The following ZNF609 variants were observed in gnomAD, a reference collection of about 807,000 sequenced individuals.
ZNF609 encodes the protein zinc finger protein 609.
Under a neutral mutation model 109.5 loss-of-function variants are expected in ZNF609, and 11 were observed. The observed-to-expected ratio is 0.10, with a 90% CI of 0.06 to 0.17. The LOEUF is 0.17. ZNF609 is among the 10% of genes least tolerant of loss of function. ZNF609 has a pLI of 1.00. For missense variants in ZNF609, 1,559 were observed against 1,772.4 expected, an observed-to-expected ratio of 0.88 and a Z score of 2.16; for synonymous variants, 646 against 662.0, an observed-to-expected ratio of 0.98 and a Z score of 0.37.
rs145414621 is a variant in ZNF609, at chr15:64,646,368, T to C, written c.973+23316T>C. On this transcript the variant is annotated intron_variant, in intron 3 of 9. Coordinates refer to ENST00000326648, the MANE Select transcript of ZNF609 (RefSeq NM_015042.2). Reference sequence around the variant, plus strand: ...AATGGCGGCCAGGCATGGTGGCTTATGTCTGTAATCCTAGCACTTTGGGAG... The same window carrying C: ...AATGGCGGCCAGGCATGGTGGCTTACGTCTGTAATCCTAGCACTTTGGGAG... Among the ~76,000 whole-genome samples, 6 of 152,072 alleles carry C rather than the reference T, an allele frequency of 3.9e-5. No homozygotes were observed. In the East Asian group the frequency reaches 9.7e-4, roughly 25 times the overall value.
At chr15:64,577,486 CATATAAATATATACAT>C (rs1473554797) in intron 2 of ZNF609, among the ~76,000 whole-genome samples, 6 of 47,558 alleles carry the variant, frequency 1.3e-4, no homozygotes, top group Admixed American at 4.0e-4. Flanking sequence ...TATATATACA[CATATAAATATATACAT>C]ATATATGTAT....
intron 3 of ZNF609, among the ~76,000 whole-genome samples, chr15:64,633,199 G>C (rs1344334211): frequency 6.6e-6 from 1 of 151,796 alleles, no homozygotes; most frequent in East Asian, 1.9e-4. Context: ...CCAGGCTGGA[G>C]TGCAGTGGCG....
At chr15:64,517,796 T>G (rs1271581175) in intron 2 of ZNF609, among the ~76,000 whole-genome samples, 1 of 151,488 alleles carries the variant, frequency 6.6e-6, no homozygotes, top group Non-Finnish European at 1.5e-5. Context: ...TATATTATTA[T>G]TATTATTTTT....
At position 64,644,242 on chromosome 15, in the gene ZNF609, A is replaced by G. The variant is rs1156693141; in HGVS notation, c.973+21190A>G. 2.6e-5 allele frequency among the ~76,000 whole-genome samples: 4 copies of G among 152,220 alleles called. No individual in the cohort carries two copies. The East Asian group carries it at 7.7e-4, about 29-fold the overall frequency. On this transcript the variant is annotated intron_variant, in intron 3 of 9. Transcript: ENST00000326648. ...GCCAAGGCCAATGGCTCACACCTATAATCCCAGTACTTTGGGAAGACTGCT... is the reference window on the plus strand; with the variant it reads ...GCCAAGGCCAATGGCTCACACCTATGATCCCAGTACTTTGGGAAGACTGCT...
At chr15:64,669,878 G>A (rs1174769037) in intron 3 of ZNF609, among the ~76,000 whole-genome samples, 2 of 152,086 alleles carry the variant, frequency 1.3e-5, no homozygotes, top group Non-Finnish European at 1.5e-5. Context: ...ATGTTGGCCA[G>A]GCTGATCTTG....
At position 64,504,754 on chromosome 15, in the gene ZNF609, T is replaced by C. The variant is rs1893610104; in HGVS notation, c.747+4588T>C. Among the ~76,000 whole-genome samples the C allele has an allele frequency of 2.0e-5, 3 of 152,068 alleles. No individual in the cohort carries two copies. The South Asian group carries it at 6.2e-4, about 31-fold the overall frequency. On this transcript the variant is annotated intron_variant, in intron 2 of 9. Transcript: ENST00000326648. ...CTTCGGCCTCCCAGAGTGCTGAGAT[T>C]ACAGGCATGAGCCACCACACCCAGC...
chr15:64,477,628 T>TC (rs1280800885), intron 1 of ZNF609, among the ~76,000 whole-genome samples: 1 of 151,064 alleles, frequency 6.6e-6, no homozygotes, highest in East Asian at 1.9e-4. Flanking sequence ...ATTTCCTTTT[T>TC]TTTTTTTTTC....
Position 64,646,477 on chromosome 15 carries a change from A to G in ZNF609, c.973+23425A>G, listed in dbSNP as rs185820067. On this transcript the variant is annotated intron_variant, in intron 3 of 9. Transcript: ENST00000326648. ...AAAACCCCATCTCTACTAAAAATAC[A>G]AAAAAAATTAGCCAAGTTTGGTGGC... Among the ~76,000 whole-genome samples, 568 of 150,936 alleles carry G rather than the reference A, an allele frequency of 3.8e-3. 3 individuals are homozygous for G. The highest frequency in any genetic ancestry group is 0.013 in the African/African-American group (547 of 41,086).
At chr15:64,489,710 A>G (rs1429455173) in intron 1 of ZNF609, among the ~76,000 whole-genome samples, 2 of 150,550 alleles carry the variant, frequency 1.3e-5, no homozygotes, top group African/African-American at 2.4e-5. Context: ...TTGTATTTTT[A>G]GTAAAGACAG....
At chr15:64,608,982 C>G (rs1174125564) in intron 2 of ZNF609, among the ~76,000 whole-genome samples, 1 of 152,112 alleles carries the variant, frequency 6.6e-6, no homozygotes, top group Non-Finnish European at 1.5e-5. Context: ...AGCATTCTAC[C>G]CACCTCAGGC....
intron 1 of ZNF609, among the ~76,000 whole-genome samples, chr15:64,487,353 T>A (rs1313276598): frequency 6.6e-6 from 1 of 152,220 alleles, no homozygotes; most frequent in African/African-American, 2.4e-5. Context: ...AAGACAATTC[T>A]CTTGTTCATA....
At chr15:64,667,912 T>A (rs1567043079) in intron 3 of ZNF609, among the ~76,000 whole-genome samples, 1 of 152,102 alleles carries the variant, frequency 6.6e-6, no homozygotes, top group Non-Finnish European at 1.5e-5. Context: ...ACCAGCCTTA[T>A]GAAAGGAGGC....
chr15:64,548,934 G>A (rs74717786), intron 2 of ZNF609, among the ~76,000 whole-genome samples: 6 of 152,144 alleles, frequency 3.9e-5, no homozygotes, highest in African/African-American at 1.4e-4. Flanking sequence ...TGTTCATGTA[G>A]TGGTAATGCT....
At chr15:64,579,202 C>T (rs1341660385) in intron 2 of ZNF609, among the ~76,000 whole-genome samples, 1 of 150,846 alleles carries the variant, frequency 6.6e-6, no homozygotes, top group Non-Finnish European at 1.5e-5. Flanking sequence ...AGACCCATCT[C>T]TACAAAAAAT....
chr15:64,461,110 G>A (rs1691198776), intron 1 of ZNF609, among the ~76,000 whole-genome samples: 1 of 150,748 alleles, frequency 6.6e-6, no homozygotes, highest in African/African-American at 2.4e-5. Context: ...GCCCGGGAGG[G>A]GATTAGGGTC....
intron 2 of ZNF609, among the ~76,000 whole-genome samples, chr15:64,559,011 C>T (rs1894636855): frequency 6.6e-6 from 1 of 151,928 alleles, no homozygotes; most frequent in African/African-American, 2.4e-5. Flanking sequence ...GAGCATTGCA[C>T]TTTTTAGTGT....
intron 5 of ZNF609, 111 bp from the exon 6 acceptor site, chr15:64,678,005 C>T (rs1896830873): frequency 1.4e-6 from 2 of 1,404,298 alleles, no homozygotes; most frequent in Non-Finnish European, 1.9e-6. Context: ...CTACTCTGCC[C>T]CAGGTGTCTA....
intron 2 of ZNF609, among the ~76,000 whole-genome samples, chr15:64,570,272 T>A (rs1046690755): frequency 1.3e-5 from 2 of 152,256 alleles, no homozygotes; most frequent in African/African-American, 4.8e-5. Flanking sequence ...CCAGGTAATC[T>A]GACTTATATC....
chr15:64,493,661 A>G (rs1893444977), intron 1 of ZNF609, among the ~76,000 whole-genome samples: 1 of 152,206 alleles, frequency 6.6e-6, no homozygotes, highest in South Asian at 2.1e-4. Context: ...TAAAGAAGGA[A>G]GTGGAGTACA....
Sources: allele counts gnomAD v4.1 joint callset (sites outside exome capture counted in the v4.1 genomes callset), GRCh38; gene constraint gnomAD v4.1.1; transcripts MANE v1.5; gene names NCBI Gene and HGNC (gene_info 2026-07-23, HGNC 2026-07-21).